SLC35D2: variants seen among roughly 807,000 people sequenced by gnomAD.
SLC35D2 encodes the protein nucleotide sugar transporter SLC35D2.
In SLC35D2, 43 loss-of-function variants were observed where a neutral mutation model predicts 41.8. That is an observed-to-expected ratio of 1.03 (90% CI 0.81 to 1.33). The LOEUF is 1.33. SLC35D2 is among the 40% of genes most tolerant of loss of function. The pLI is 0.00. For synonymous variants in SLC35D2, 150 were observed against 163.9 expected (o/e 0.92, Z 0.65); for missense variants, 380 against 408.4 (o/e 0.93, Z 0.60).
chr9:96,348,489 C>T (rs975038100), intron 6 of SLC35D2, among the ~76,000 whole-genome samples: 10 of 152,192 alleles, frequency 6.6e-5, no homozygotes, highest in Admixed American at 2.0e-4. Context: ...AGTGAAGCTA[C>T]TGCCGTGTGG....
At chr9:96,370,962 C>T (rs1474762114) in intron 1 of SLC35D2, among the ~76,000 whole-genome samples, 3 of 152,196 alleles carry the variant, frequency 2.0e-5, no homozygotes, top group Non-Finnish European at 2.9e-5. Context: ...CCAGGAGCTA[C>T]ATGGCGACTG....
At chr9:96,322,687 TA>T (rs1246929200) in intron 10 of SLC35D2, among the ~76,000 whole-genome samples, 3 of 151,312 alleles carry the variant, frequency 2.0e-5, no homozygotes, top group Non-Finnish European at 4.4e-5. Context: ...CCTATCTCTT[TA>T]CTATCATTGG....
chr9:96,316,831 T>TTA (rs57494958), downstream of SLC35D2, among the ~76,000 whole-genome samples: 48 of 151,558 alleles, frequency 3.2e-4, no homozygotes, highest in Admixed American at 8.5e-4. Flanking sequence ...GAGATATACT[T>TTA]TATATATATA....
intron 8 of SLC35D2, among the ~76,000 whole-genome samples, chr9:96,343,546 T>C (rs559032315): frequency 6.6e-6 from 1 of 152,222 alleles, no homozygotes; most frequent in Non-Finnish European, 1.5e-5. Flanking sequence ...AAGTAACAAA[T>C]AAATAAACAA....
intron 9 of SLC35D2, among the ~76,000 whole-genome samples, chr9:96,331,847 C>T (rs562613659): frequency 9.5e-4 from 144 of 152,302 alleles, no homozygotes; most frequent in African/African-American, 2.9e-3. Context: ...GAAGCGCAAA[C>T]CCTATTGTGA....
intron 1 of SLC35D2, among the ~76,000 whole-genome samples, chr9:96,379,159 T>C (rs1367278048): frequency 7.3e-6 from 1 of 137,582 alleles, no homozygotes; most frequent in Non-Finnish European, 1.6e-5. Context: ...ATGCAAAAAT[T>C]AGCCGGGTGT....
At chr9:96,319,515 G>GT (rs1230379182), downstream of SLC35D2, among the ~76,000 whole-genome samples, 1 of 143,700 alleles carries the variant, frequency 7.0e-6, no homozygotes, top group Non-Finnish European at 1.5e-5. Flanking sequence ...TAAAAAAAAA[G>GT]TTTTTTTTGA....
chr9:96,358,078 TTTTATATATATATATATATA>T (rs1830107995), intron 4 of SLC35D2, among the ~76,000 whole-genome samples: 1 of 79,250 alleles, frequency 1.3e-5, no homozygotes, highest in South Asian at 3.4e-4. Context: ...ATATTATATA[TTTTATATATATATATATATA>T]TATATATATA....
intron 6 of SLC35D2, among the ~76,000 whole-genome samples, chr9:96,346,942 G>T (rs1829605088): frequency 6.6e-6 from 1 of 151,978 alleles, no homozygotes. Flanking sequence ...TTCGAAACCA[G>T]CCTGACCAAC....
Position 96,383,555 on chromosome 9 carries a change from C to G in SLC35D2, c.80G>C (p.Arg27Pro). ...GAARLPSRVARLLSALFYGTC... is the reference protein window; with the variant it reads ...GAARLPSRVAPLLSALFYGTC... The stretch of plus-strand genomic sequence containing the variant: ...CCCGTAGAAGAGCGCCGACAGCAGC[C>G]GGGCCACCCGCGAGGGCAGCCGCGC... The change falls in exon 1 of 12, where the codon CGG becomes CCG. Residue 27 changes from arginine to proline, a missense_variant. Coordinates refer to ENST00000253270, the MANE Select transcript of SLC35D2 (RefSeq NM_007001.3). 1 of 1,500,608 alleles carries G rather than the reference C, an allele frequency of 6.7e-7. No homozygotes were observed. Among genetic ancestry groups the G allele is most frequent in the Non-Finnish European group, 8.9e-7 (1 of 1,124,420 alleles). The allele number at this position is 1,500,608 out of a possible 1,614,324, so 93.0% of individuals were successfully genotyped here.
At chr9:96,361,901 T>C (rs1052141004) in intron 3 of SLC35D2, among the ~76,000 whole-genome samples, 4 of 152,112 alleles carry the variant, frequency 2.6e-5, no homozygotes, top group African/African-American at 7.2e-5. Flanking sequence ...ATTTCTGTTG[T>C]TGAAGCCACC....
intron 1 of SLC35D2, among the ~76,000 whole-genome samples, chr9:96,368,943 T>C (rs1037358457): frequency 2.0e-5 from 3 of 152,038 alleles, no homozygotes; most frequent in Non-Finnish European, 4.4e-5. Context: ...TTTTGTATTT[T>C]TAGTAGAAAC....
intron 1 of SLC35D2, among the ~76,000 whole-genome samples, chr9:96,382,496 C>CACTCTATATATATATA (rs200897475): frequency 5.5e-5 from 7 of 127,912 alleles, no homozygotes; most frequent in African/African-American, 2.1e-4. Context: ...CACACACACA[C>CACTCTATATATATATA]TATATATATA....
At chr9:96,367,303 A>G (rs1286545165) in intron 2 of SLC35D2, among the ~76,000 whole-genome samples, 2 of 152,072 alleles carry the variant, frequency 1.3e-5, no homozygotes, top group South Asian at 2.1e-4. Context: ...TTTAGTTAAC[A>G]GGTACTATTT....
intron 4 of SLC35D2, among the ~76,000 whole-genome samples, chr9:96,353,231 T>C (rs1189257935): frequency 6.6e-6 from 1 of 152,134 alleles, no homozygotes; most frequent in Non-Finnish European, 1.5e-5. Context: ...TATAACTCTG[T>C]AATACAAATA....
Position 96,324,140 on chromosome 9 carries a change from C to A in SLC35D2, c.782G>T (p.Cys261Phe). The A allele has an allele frequency of 1.2e-6, 2 of 1,613,956 alleles. No individual in the cohort carries two copies. Among genetic ancestry groups the A allele is most frequent in the South Asian group, 2.2e-5 (2 of 91,070 alleles). ...GFLLMYSTVLCSYYNSALTTA... is the reference protein window; with the variant it reads ...GFLLMYSTVLFSYYNSALTTA... ...CGTCAGGGCTGAATTGTAATAGCTG[C>A]ACAGAACCGTGGAGTACATCAGCAG... The change falls in exon 10 of 12, where the codon TGC becomes TTC. Residue 261 changes from cysteine (C) to phenylalanine (F), a missense_variant. Coordinates refer to ENST00000253270, the MANE Select transcript of SLC35D2 (RefSeq NM_007001.3).
At chr9:96,366,193 T>G (rs948607192) in intron 2 of SLC35D2, among the ~76,000 whole-genome samples, 1 of 151,176 alleles carries the variant, frequency 6.6e-6, no homozygotes, top group Non-Finnish European at 1.5e-5. Context: ...TCCCAGCTAC[T>G]TGAAAGGCTG....
chr9:96,351,929 C>A, intron 5 of SLC35D2, 109 bp downstream of exon 5: 1 of 613,912 alleles, frequency 1.6e-6, no homozygotes, highest in Non-Finnish European at 2.9e-6. Flanking sequence ...ATGAATAAAC[C>A]ATTTGTCCTT....
chr9:96,334,504 G>A (rs1022528153), intron 9 of SLC35D2, among the ~76,000 whole-genome samples: 1 of 152,052 alleles, frequency 6.6e-6, no homozygotes, highest in Non-Finnish European at 1.5e-5. Flanking sequence ...CAGGTGTGGT[G>A]GTGGGCAACT....
Sources: gnomAD v4.1 joint callset for allele counts (sites outside exome capture counted in the v4.1 genomes callset) on GRCh38, gnomAD v4.1.1 for gene constraint, MANE v1.5 for transcripts, NCBI Gene and HGNC (gene_info 2026-07-23, HGNC 2026-07-21) for gene names.